Variants in VPS13D observed in about 807,000 individuals in gnomAD.
VPS13D encodes intermembrane lipid transfer protein VPS13D.
A neutral mutation model predicts 461.9 loss-of-function variants in VPS13D; 187 were observed. That is an observed-to-expected ratio of 0.40 (90% CI 0.36 to 0.46). The LOEUF (loss-of-function observed/expected upper bound fraction) is 0.46. Among genes scored for constraint, VPS13D ranks in the 20% least tolerant of loss-of-function variants. The pLI is 0.60. For synonymous variants in VPS13D, 1,951 were observed against 1,986.3 expected (o/e 0.98, Z 0.47); for missense variants, 4,711 against 5,364.9 (o/e 0.88, Z 3.81).
At chr1:12,317,318 G>A (rs1642916693) in intron 30 of VPS13D, among the ~76,000 whole-genome samples, 1 of 152,040 alleles carries the variant, frequency 6.6e-6, no homozygotes, top group African/African-American at 2.4e-5. Flanking sequence ...TAGGGAAACA[G>A]GCTGAGAGAA....
intron 65 of VPS13D, among the ~76,000 whole-genome samples, chr1:12,447,420 TTGA>T (rs1314257866): frequency 6.6e-6 from 1 of 152,196 alleles, no homozygotes; most frequent in African/African-American, 2.4e-5. Context: ...AAATATTTCA[TTGA>T]TGAGAGGCCC....
intron 6 of VPS13D, among the ~76,000 whole-genome samples, chr1:12,252,864 A>T (rs1035549528): frequency 5.3e-5 from 8 of 151,096 alleles, no homozygotes; most frequent in African/African-American, 1.9e-4. Flanking sequence ...AAATAATATA[A>T]AAAAAAATTC....
At chr1:12,256,961 A>G in intron 8 of VPS13D, 26 bp from the exon 9 acceptor site, 1 of 1,609,418 alleles carries the variant, frequency 6.2e-7, no homozygotes, top group East Asian at 2.2e-5. Flanking sequence ...ATTCTAACCT[A>G]GTATCTCTTA....
At chr1:12,293,308 C>G (rs1011203122) in intron 23 of VPS13D, among the ~76,000 whole-genome samples, 1 of 152,182 alleles carries the variant, frequency 6.6e-6, no homozygotes, top group Non-Finnish European at 1.5e-5. Flanking sequence ...CTAGAGCTGT[C>G]CACCTGTTTA....
At chr1:12,361,575 TTAG>T (rs1443528630) in intron 50 of VPS13D, among the ~76,000 whole-genome samples, 1 of 150,686 alleles carries the variant, frequency 6.6e-6, no homozygotes, top group Non-Finnish European at 1.5e-5. Context: ...TTTTGTATTT[TTAG>T]TAGAGACGGG....
chr1:12,276,373 G>A lies in VPS13D; in HGVS notation c.2785G>A (p.Asp929Asn), dbSNP rs1355187378. ...PQEEQRGSLQ[D>N]SVMNLTQSIV... ...GGAGGAGCAGCGGGGAAGTTTGCAA[G>A]ACTCCGTAATGAATTTAACCCAGAG... is the stretch of plus-strand genomic sequence containing the variant. The change falls in exon 19 of 70, where the codon GAC (aspartate) becomes AAC (asparagine). Residue 929 changes from aspartate (D) to asparagine (N), a missense_variant. By Grantham distance (23) the Asp-to-Asn change is conservative (BLOSUM62 1). Transcript: ENST00000620676. The surrounding 1 kb of genome is among the most constrained non-coding windows in gnomAD (Gnocchi z 4.5). The A allele has an allele frequency of 1.2e-6, 2 of 1,614,210 alleles. No individual in the cohort carries two copies. The highest frequency in any genetic ancestry group is 1.7e-5 in the Admixed American group (1 of 60,032).
At chr1:12,333,509 C>G in intron 38 of VPS13D, 143 bp downstream of exon 38, 2 of 977,648 alleles carry the variant, frequency 2.0e-6, no homozygotes, top group Non-Finnish European at 2.9e-6. Flanking sequence ...CTGATCAACC[C>G]TAATAGCCTC....
chr1:12,466,997 CT>C (rs1311537644), intron 67 of VPS13D, among the ~76,000 whole-genome samples: 7 of 152,172 alleles, frequency 4.6e-5, no homozygotes, highest in African/African-American at 1.7e-4. Context: ...TATATTCTCA[CT>C]TCCTGATCTT....
At chr1:12,443,805 C>A (rs1195542834) in intron 65 of VPS13D, among the ~76,000 whole-genome samples, 1 of 151,480 alleles carries the variant, frequency 6.6e-6, no homozygotes, top group East Asian at 1.9e-4. Context: ...AAAGAACTTC[C>A]TTTTGTGGCT....
In VPS13D at chr1:12,359,145, G is replaced by A. The variant is rs186591436; in HGVS notation, c.10141+544G>A. ...CCAGACTCACTTTGCTTATGGAGAT[G>A]GGAAGGGTGGAAAGGGGAGGGGAGG... On this transcript the variant is annotated intron_variant, in intron 50 of 69. Transcript: ENST00000620676. Among the ~76,000 whole-genome samples the A allele has an allele frequency of 2.9e-4, 44 of 152,284 alleles. 1 individual carries two copies. The East Asian group carries it at 7.9e-3, about 27-fold the overall frequency.
rs1023556925 is a variant in VPS13D, at chr1:12,319,499, A to T, written c.7417A>T (p.Thr2473Ser). The T allele has an allele frequency of 1.2e-6, 2 of 1,614,036 alleles. No individual in the cohort carries two copies. The highest frequency in any genetic ancestry group is 1.1e-5 in the South Asian group (1 of 91,072). The stretch of plus-strand genomic sequence containing the variant: ...ATTGACGACGTTGTCCTTTCCAGGT[A>T]CGGAGTTTGTGGTCATTGAAGATGT... ...HLEVKVNVTG[T>S]EFVVIEDVSC... The change falls in exon 32 of 70, where the codon ACG becomes TCG. Residue 2473 changes from threonine to serine, a missense_variant and splice_region_variant. Physicochemically the swap from Thr to Ser is moderately conservative, Grantham distance 58 (BLOSUM62 1). Transcript: ENST00000620676.
At chr1:12,309,733 G>T (rs1230670167) in intron 27 of VPS13D, among the ~76,000 whole-genome samples, 1 of 146,304 alleles carries the variant, frequency 6.8e-6, no homozygotes, top group Non-Finnish European at 1.5e-5. Context: ...CTGCACTTCA[G>T]CCTGGGTGAC....
chr1:12,320,437 C>T (rs1394539908), intron 32 of VPS13D, among the ~76,000 whole-genome samples: 1 of 152,110 alleles, frequency 6.6e-6, no homozygotes, highest in African/African-American at 2.4e-5. Flanking sequence ...CTTTTCATGC[C>T]CCTTTCTTTC....
intron 65 of VPS13D, among the ~76,000 whole-genome samples, chr1:12,420,184 G>T (rs1644845197): frequency 6.6e-6 from 1 of 152,210 alleles, no homozygotes; most frequent in Admixed American, 6.5e-5. Context: ...GGGTCTATCA[G>T]TTGAATACCC....
intron 54 of VPS13D, among the ~76,000 whole-genome samples, chr1:12,372,812 T>TC (rs1381122348): frequency 6.6e-6 from 1 of 151,436 alleles, no homozygotes; most frequent in Non-Finnish European, 1.5e-5. Context: ...TTTTTTTTTT[T>TC]TTTTTTTGCT....
chr1:12,253,106 C>T (rs369199319), intron 6 of VPS13D, among the ~76,000 whole-genome samples: 8 of 148,598 alleles, frequency 5.4e-5, no homozygotes, highest in East Asian at 3.9e-4. Flanking sequence ...TGCGGTGAGC[C>T]GAGATCGTGC....
At chr1:12,272,359 A>G (rs1048198282) in intron 17 of VPS13D, among the ~76,000 whole-genome samples, 2 of 150,616 alleles carry the variant, frequency 1.3e-5, no homozygotes, top group African/African-American at 4.9e-5. Context: ...GGTGTGTAGT[A>G]TGGGATGGAG....
chr1:12,315,024 G>A (rs1410130027), intron 30 of VPS13D, among the ~76,000 whole-genome samples: 1 of 152,204 alleles, frequency 6.6e-6, no homozygotes, highest in Non-Finnish European at 1.5e-5. Flanking sequence ...ACAGTTGGCA[G>A]CTGTCATTGT....
intron 50 of VPS13D, among the ~76,000 whole-genome samples, chr1:12,359,343 A>G (rs1643918320): frequency 6.6e-6 from 1 of 152,058 alleles, no homozygotes; most frequent in African/African-American, 2.4e-5. Flanking sequence ...TTGGAACACC[A>G]TCTATGACTG....
Sources: allele counts gnomAD v4.1 joint callset (sites outside exome capture counted in the v4.1 genomes callset), GRCh38; gene constraint gnomAD v4.1.1; non-coding constraint Gnocchi (gnomAD v3.1); transcripts MANE v1.5; gene names NCBI Gene and HGNC (gene_info 2026-07-23, HGNC 2026-07-21).